The following PTPRT variants were observed in gnomAD, a reference collection of about 807,000 sequenced individuals.
PTPRT encodes the protein protein tyrosine phosphatase receptor type T.
A neutral mutation model predicts 176.8 loss-of-function variants in PTPRT; 56 were observed. That is an observed-to-expected ratio of 0.32 (90% CI 0.26 to 0.40). The LOEUF (loss-of-function observed/expected upper bound fraction) is 0.40. PTPRT is among the 10% of genes least tolerant of loss of function. PTPRT has a pLI of 1.00. For missense variants in PTPRT, 1,540 were observed against 1,908.2 expected, an observed-to-expected ratio of 0.81 and a Z score of 3.60; for synonymous variants, 783 against 739.0, an observed-to-expected ratio of 1.06 and a Z score of -0.96.
At chr20:42,644,502 T>C (rs1002420759) in intron 7 of PTPRT, among the ~76,000 whole-genome samples, 1 of 152,138 alleles carries the variant, frequency 6.6e-6, no homozygotes, top group African/African-American at 2.4e-5. Flanking sequence ...TCTTCATCAC[T>C]AGGTTAGGCT....
At chr20:42,106,645 C>T (rs894247337) in intron 24 of PTPRT, 141 bp downstream of exon 24, 58 of 1,141,732 alleles carry the variant, frequency 5.1e-5, no homozygotes, top group South Asian at 8.3e-5. Context: ...TAGTAAGCCA[C>T]GTGTCTACTC....
rs768572000 is a variant in PTPRT, at chr20:42,873,586, T to A, written c.214+12221A>T. ...AAAAGGTAAAAAAGAAATGGGTTAC[T>A]TTTAATAATTTATCTAACCCAATAC... is the stretch of plus-strand genomic sequence containing the variant. On this transcript the variant is annotated intron_variant, in intron 2 of 30. Coordinates refer to ENST00000373187, the MANE Select transcript of PTPRT (RefSeq NM_007050.6). Among the ~76,000 whole-genome samples the A allele has an allele frequency of 3.0e-3, 451 of 152,372 alleles. 2 individuals carry two copies. The highest frequency in any genetic ancestry group is 5.0e-3 in the Non-Finnish European group (343 of 68,038).
chr20:42,472,613 G>C, intron 7 of PTPRT, 51 bp from the exon 8 acceptor site: 1 of 1,567,638 alleles, frequency 6.4e-7, no homozygotes, highest in Non-Finnish European at 8.7e-7. Context: ...CCATCGGGAA[G>C]CTGGGGTACA....
chr20:42,647,087 G>A (rs2074923060), intron 7 of PTPRT, among the ~76,000 whole-genome samples: 1 of 151,476 alleles, frequency 6.6e-6, no homozygotes, highest in Non-Finnish European at 1.5e-5. Flanking sequence ...TGTAGAGATG[G>A]GGTCTCACTA....
intron 9 of PTPRT, among the ~76,000 whole-genome samples, chr20:42,424,115 A>T (rs1209118305): frequency 6.6e-6 from 1 of 152,218 alleles, no homozygotes; most frequent in East Asian, 1.9e-4. Context: ...TGAGATGCTG[A>T]TGGGACCAAC....
chr20:42,470,795 A>G (rs1454267870), intron 8 of PTPRT, among the ~76,000 whole-genome samples: 2 of 151,934 alleles, frequency 1.3e-5, no homozygotes, highest in African/African-American at 2.4e-5. Flanking sequence ...AGCAGGAGAA[A>G]TGGCATGGGT....
At chr20:42,530,394 A>T (rs1451990957) in intron 7 of PTPRT, among the ~76,000 whole-genome samples, 1 of 152,182 alleles carries the variant, frequency 6.6e-6, no homozygotes, top group Non-Finnish European at 1.5e-5. Context: ...AGGAGTGTGG[A>T]TCCTGGTGGC....
intron 6 of PTPRT, among the ~76,000 whole-genome samples, chr20:42,744,161 T>C (rs773638119): frequency 2.0e-5 from 3 of 152,196 alleles, no homozygotes; most frequent in Admixed American, 6.5e-5. Flanking sequence ...CTCCGACTCC[T>C]AGTGCAAGAC....
chr20:42,315,253 T>C (rs1191136999), intron 12 of PTPRT, among the ~76,000 whole-genome samples: 1 of 149,878 alleles, frequency 6.7e-6, no homozygotes, highest in African/African-American at 2.5e-5. Context: ...CACTATTTTC[T>C]AATGTGACCA....
intron 7 of PTPRT, among the ~76,000 whole-genome samples, chr20:42,655,463 C>T (rs1205970254): frequency 6.6e-6 from 1 of 152,132 alleles, no homozygotes; most frequent in African/African-American, 2.4e-5. Context: ...TGCACTCCAG[C>T]CTGGGTGACA....
chr20:42,661,529 G>A (rs568349915), intron 7 of PTPRT, among the ~76,000 whole-genome samples: 8 of 152,262 alleles, frequency 5.3e-5, no homozygotes, highest in African/African-American at 1.9e-4. Context: ...GCCACCACCA[G>A]AGTAGTTATA....
intron 2 of PTPRT, among the ~76,000 whole-genome samples, chr20:42,858,778 G>C (rs1160760671): frequency 6.6e-6 from 1 of 152,198 alleles, no homozygotes; most frequent in African/African-American, 2.4e-5. Flanking sequence ...GGGGTTGGGG[G>C]ATCCTCAGTA....
At chr20:42,548,319 G>A (rs2072710911) in intron 7 of PTPRT, among the ~76,000 whole-genome samples, 1 of 152,056 alleles carries the variant, frequency 6.6e-6, no homozygotes, top group African/African-American at 2.4e-5. Flanking sequence ...AAAAGGCACA[G>A]TAATAGTGGA....
chr20:43,053,846 G>A (rs1987138190), intron 1 of PTPRT, among the ~76,000 whole-genome samples: 1 of 152,116 alleles, frequency 6.6e-6, no homozygotes, highest in Non-Finnish European at 1.5e-5. Flanking sequence ...TGAAAATGAG[G>A]GAGAAAGGAA....
intron 2 of PTPRT, among the ~76,000 whole-genome samples, chr20:42,862,975 T>A (rs2078687064): frequency 6.6e-6 from 1 of 152,230 alleles, no homozygotes; most frequent in Non-Finnish European, 1.5e-5. Flanking sequence ...TCAAAGCATA[T>A]GCACTTCTAC....
At chr20:42,619,291 G>T (rs1467398751) in intron 7 of PTPRT, among the ~76,000 whole-genome samples, 16 of 135,362 alleles carry the variant, frequency 1.2e-4, no homozygotes, top group African/African-American at 5.1e-4. Context: ...TGGCTTGTAG[G>T]GTTTCTGCTG....
At chr20:42,532,757 A>G (rs772808330) in intron 7 of PTPRT, among the ~76,000 whole-genome samples, 1 of 151,878 alleles carries the variant, frequency 6.6e-6, no homozygotes, top group Admixed American at 6.6e-5. Context: ...TTCCCCCAAC[A>G]TCTCTCCCAC....
At chr20:42,127,136 G>A (rs1250988933) in intron 19 of PTPRT, among the ~76,000 whole-genome samples, 5 of 152,238 alleles carry the variant, frequency 3.3e-5, no homozygotes, top group Non-Finnish European at 7.3e-5. Context: ...ATCAGGGACA[G>A]GACTAGGCTG....
chr20:42,958,869 G>C (rs1203906103), intron 1 of PTPRT, among the ~76,000 whole-genome samples: 1 of 152,134 alleles, frequency 6.6e-6, no homozygotes, highest in East Asian at 1.9e-4. Context: ...CTCTGCCTCT[G>C]CAGCCTTAAT....
Sources: gnomAD v4.1 joint callset for allele counts (sites outside exome capture counted in the v4.1 genomes callset) on GRCh38, gnomAD v4.1.1 for gene constraint, MANE v1.5 for transcripts, NCBI Gene and HGNC (gene_info 2026-07-23, HGNC 2026-07-21) for gene names.